SNAP91: variants seen among roughly 807,000 people sequenced by gnomAD.
SNAP91 encodes synaptosome associated protein 91, also known as clathrin coat assembly protein AP180.
Under a neutral mutation model 100.3 loss-of-function variants are expected in SNAP91, and 27 were observed. The ratio of observed to expected loss-of-function variants is 0.27; its 90% confidence interval spans 0.20 to 0.37. The LOEUF is 0.37. Ranked by LOEUF, SNAP91 falls within the 10% of genes least tolerant of loss-of-function variation. The pLI is 1.00. For missense variants in SNAP91, 986 were observed against 1,123.7 expected (o/e 0.88, Z 1.75); for synonymous variants, 404 against 398.6 (o/e 1.01, Z -0.16).
intron 8 of SNAP91, among the ~76,000 whole-genome samples, chr6:83,628,101 A>G (rs936437101): frequency 6.6e-6 from 1 of 151,632 alleles, no homozygotes; most frequent in African/African-American, 2.4e-5. Context: ...GTGAGAACAT[A>G]TAATGTTTGG....
intron 22 of SNAP91, among the ~76,000 whole-genome samples, chr6:83,587,081 CTAGT>C (rs968471553): frequency 7.2e-5 from 11 of 152,032 alleles, no homozygotes; most frequent in African/African-American, 1.9e-4. Context: ...TCAAGACTAT[CTAGT>C]TAGTCTTTGT....
intron 16 of SNAP91, among the ~76,000 whole-genome samples, chr6:83,596,008 T>C (rs1296495127): frequency 6.6e-6 from 1 of 152,236 alleles, no homozygotes; most frequent in Non-Finnish European, 1.5e-5. Context: ...TCTTATGGAT[T>C]AATCTGATCT....
At position 83,554,057 on chromosome 6, in the gene SNAP91, C is replaced by T. The variant is rs1297723510; in HGVS notation, c.*239G>A. On this transcript the variant is annotated 3_prime_UTR_variant, in exon 30 of 30. Coordinates refer to ENST00000369694, the MANE Select transcript of SNAP91 (RefSeq NM_001242792.2). ...AGTAACATCCATTCATTGTTTACAT[C>T]GTACAATACACAAATAATCCAAATA... 1 of 155,928 alleles carries T rather than the reference C, an allele frequency of 6.4e-6. No individual in the cohort carries two copies. Among genetic ancestry groups the T allele is most frequent in the Non-Finnish European group, 1.5e-5 (1 of 68,964 alleles). The allele number at this position is 155,928 out of a possible 1,614,324, so 9.7% of individuals were successfully genotyped here.
At chr6:83,619,384 C>T (rs980075733) in intron 9 of SNAP91, among the ~76,000 whole-genome samples, 10 of 152,196 alleles carry the variant, frequency 6.6e-5, no homozygotes, top group Non-Finnish European at 1.5e-4. Context: ...GCAGTGAGGA[C>T]ATCCGGGCAT....
At chr6:83,627,069 G>C (rs969655565) in intron 8 of SNAP91, among the ~76,000 whole-genome samples, 4 of 151,882 alleles carry the variant, frequency 2.6e-5, no homozygotes, top group Non-Finnish European at 5.9e-5. Context: ...CATGAAGGGA[G>C]GTTGGATTTT....
chr6:83,583,948 G>C (rs184674328), intron 22 of SNAP91, among the ~76,000 whole-genome samples: 1 of 152,258 alleles, frequency 6.6e-6, no homozygotes, highest in East Asian at 1.9e-4. Flanking sequence ...GATCTTTACA[G>C]TTCATGATGG....
intron 22 of SNAP91, among the ~76,000 whole-genome samples, chr6:83,584,965 G>A (rs906547762): frequency 2.0e-5 from 3 of 152,134 alleles, no homozygotes; most frequent in East Asian, 1.9e-4. Context: ...CATTATACTC[G>A]GTTCTTATGA....
chr6:83,603,161 G>C (rs1474973929), intron 14 of SNAP91, among the ~76,000 whole-genome samples: 1 of 152,024 alleles, frequency 6.6e-6, no homozygotes, highest in Non-Finnish European at 1.5e-5. Context: ...AGCTATCTTA[G>C]TTTTTATTGT....
intron 25 of SNAP91, 130 bp from the exon 26 acceptor site, chr6:83,575,251 G>A (rs1816404288): frequency 1.5e-6 from 1 of 662,876 alleles, no homozygotes; most frequent in Non-Finnish European, 2.6e-6. Flanking sequence ...ATAGTAATAA[G>A]AACAGCAGTT....
In SNAP91 at chr6:83,653,598, C is replaced by G. The variant is rs187732963; in HGVS notation, c.658+3156G>C. Among the ~76,000 whole-genome samples the G allele has an allele frequency of 1.1e-3, 162 of 152,230 alleles. 3 individuals are homozygous for G. The highest frequency in any genetic ancestry group is 4.6e-4 in the Non-Finnish European group (31 of 68,022). ...ATCCCCAGTCTGATCATTCCTTCAT[C>G]CCTGCCATGTCGGGTTCTGATGCTT... On this transcript the variant is annotated intron_variant, in intron 7 of 29. Transcript: ENST00000369694.
At chr6:83,623,387 A>AT (rs1368544942) in intron 8 of SNAP91, 45 bp from the exon 9 acceptor site, 27 of 1,396,968 alleles carry the variant, frequency 1.9e-5, no homozygotes, top group Non-Finnish European at 2.7e-5. Flanking sequence ...TTTAAAATTA[A>AT]TTTTTTTCAT....
chr6:83,608,714 G>A (rs2095805395), intron 12 of SNAP91, among the ~76,000 whole-genome samples: 1 of 152,010 alleles, frequency 6.6e-6, no homozygotes, highest in African/African-American at 2.4e-5. Context: ...AAAAAAAACT[G>A]AGGAGATCAG....
intron 8 of SNAP91, among the ~76,000 whole-genome samples, chr6:83,625,727 T>C (rs2096905255): frequency 6.6e-6 from 1 of 152,080 alleles, no homozygotes; most frequent in African/African-American, 2.4e-5. Flanking sequence ...TTTAATGGGG[T>C]TGTTTTTCTT....
chr6:83,607,990 C>A (rs979049048), intron 12 of SNAP91, among the ~76,000 whole-genome samples, 182 bp from the exon 13 acceptor site: 4 of 151,592 alleles, frequency 2.6e-5, no homozygotes, highest in African/African-American at 9.7e-5. Context: ...TCAATATTGG[C>A]TAAAACATGT....
intron 2 of SNAP91, among the ~76,000 whole-genome samples, chr6:83,705,034 G>T (rs932912725): frequency 3.3e-5 from 5 of 152,148 alleles, no homozygotes; most frequent in African/African-American, 1.2e-4. Flanking sequence ...AAAGAATTCT[G>T]AGCAAAGATG....
intron 11 of SNAP91, among the ~76,000 whole-genome samples, chr6:83,613,236 T>C (rs1408753889): frequency 6.6e-6 from 1 of 152,210 alleles, no homozygotes; most frequent in Non-Finnish European, 1.5e-5. Flanking sequence ...TTTAATTCTC[T>C]ATCTTCTTCA....
At chr6:83,630,512 A>G (rs2097163136) in intron 8 of SNAP91, among the ~76,000 whole-genome samples, 1 of 151,968 alleles carries the variant, frequency 6.6e-6, no homozygotes, top group East Asian at 1.9e-4. Context: ...AAAAATTACC[A>G]TTTCAATCTC....
At chr6:83,634,872 A>G (rs1053687078) in intron 8 of SNAP91, among the ~76,000 whole-genome samples, 3 of 152,138 alleles carry the variant, frequency 2.0e-5, no homozygotes, top group Non-Finnish European at 4.4e-5. Context: ...GAATGTTTTG[A>G]TTTCTGCCTT....
intron 26 of SNAP91, among the ~76,000 whole-genome samples, 154 bp from the exon 27 acceptor site, chr6:83,561,101 G>A (rs1257775952): frequency 1.3e-5 from 2 of 152,192 alleles, no homozygotes; most frequent in African/African-American, 4.8e-5. Context: ...GGAGTACGAT[G>A]GCATGATCAC....
Sources: allele counts gnomAD v4.1 joint callset (sites outside exome capture counted in the v4.1 genomes callset), GRCh38; gene constraint gnomAD v4.1.1; transcripts MANE v1.5; gene names NCBI Gene and HGNC (gene_info 2026-07-23, HGNC 2026-07-21).